Variants in PPP4C observed in about 807,000 individuals in gnomAD.
PPP4C encodes the protein protein phosphatase 4 catalytic subunit, also known as serine/threonine-protein phosphatase 4 catalytic subunit.
Under a neutral mutation model 40.5 loss-of-function variants are expected in PPP4C, and 10 were observed. The observed-to-expected ratio is 0.25, with a 90% CI of 0.15 to 0.42. The LOEUF (loss-of-function observed/expected upper bound fraction) is 0.42. Ranked by LOEUF, PPP4C falls within the 10% of genes least tolerant of loss-of-function variation. PPP4C has a pLI of 1.00. For missense variants in PPP4C, 191 were observed against 416.4 expected (o/e 0.46, Z 4.71); for synonymous variants, 187 against 163.6 (o/e 1.14, Z -1.09).
Position 30,083,249 on chromosome 16 carries a change from G to A in PPP4C, c.304-145G>A. On this transcript the variant is annotated intron_variant, in intron 5 of 8. Coordinates refer to ENST00000279387, the MANE Select transcript of PPP4C (RefSeq NM_002720.3). The surrounding 1 kb of genome is among the most constrained non-coding windows in gnomAD (Gnocchi z 6.3). ...GGTCGTGTGGGCCTGGGAGGTGGCTGATGCCACACGATTCAGGCAAGAGGT... is the reference window on the plus strand; with the variant it reads ...GGTCGTGTGGGCCTGGGAGGTGGCTAATGCCACACGATTCAGGCAAGAGGT... 3 of 929,730 alleles carry A rather than the reference G, an allele frequency of 3.2e-6. No homozygotes were observed. The highest frequency in any genetic ancestry group is 3.1e-5 in the South Asian group (2 of 63,780). 57.6% of individuals were successfully genotyped at this position (929,730 alleles called of 1,614,324 possible).
chr16:30,076,297 CGTCTT>C lies in PPP4C; in HGVS notation c.-63-16_-63-12del. 1 of 1,414,722 alleles carries C rather than the reference CGTCTT, an allele frequency of 7.1e-7. No homozygotes were observed. The highest frequency in any genetic ancestry group is 9.8e-7 in the Non-Finnish European group (1 of 1,020,062). 87.6% of individuals were successfully genotyped at this position (1,414,722 alleles called of 1,614,324 possible). A position where few individuals can be genotyped will look rare whatever the true frequency, so the allele number is the denominator to read the frequency against. ...CCGGACGGACACTGATCCGCGGGCT[CGTCTT>C]GGCCTTTCCCAGGAGACCCCTGTGC... is the stretch of plus-strand genomic sequence containing the variant. On this transcript the variant is annotated splice_polypyrimidine_tract_variant and intron_variant, in intron 1 of 8. Coordinates refer to ENST00000279387, the MANE Select transcript of PPP4C (RefSeq NM_002720.3).
intron 2 of PPP4C, chr16:30,081,051 G>A: frequency 1.6e-6 from 1 of 618,744 alleles, no homozygotes; most frequent in African/African-American, 1.8e-5. Context: ...ATAAGAGGTT[G>A]GACTTTGTCC....
In PPP4C at chr16:30,083,729, A is replaced by G. The variant is rs1405522482; in HGVS notation, c.552A>G (p.Gln184=). 6.2e-7 allele frequency: 1 copy of G among 1,614,226 alleles called. No homozygotes were observed. Among genetic ancestry groups the G allele is most frequent in the South Asian group, 1.1e-5 (1 of 91,088 alleles). ...AGATTCGGACAATCGACCGAAAGCA[A>G]GAGGTGCCTCATGATGGGCCCATGT... is the stretch of plus-strand genomic sequence containing the variant. ...LDQIRTIDRK[Q]EVPHDGPMCD... The change falls in exon 7 of 9, where the codon CAA becomes CAG. Residue 184 remains glutamine, a synonymous_variant. Coordinates refer to ENST00000279387, the MANE Select transcript of PPP4C (RefSeq NM_002720.3). This position sits in a 1 kb window ranked among gnomAD's most constrained non-coding sequence, Gnocchi z 6.3.
intron 2 of PPP4C, among the ~76,000 whole-genome samples, chr16:30,076,705 A>G (rs942505219): frequency 2.0e-5 from 3 of 152,236 alleles, no homozygotes; most frequent in African/African-American, 2.4e-5. Flanking sequence ...TAAGAGTGTT[A>G]CATAAAGTAC....
Position 30,083,822 on chromosome 16 carries a change from G to A in PPP4C, c.604+41G>A. The A allele has an allele frequency of 6.2e-7, 1 of 1,609,290 alleles. No individual in the cohort carries two copies. The highest frequency in any genetic ancestry group is 8.5e-7 in the Non-Finnish European group (1 of 1,178,442). ...CAGGGGCAGGCAGGGACAGCCAGGAGGGGTTGGGAAAGAGAGGGAGCAGGG... is the reference window on the plus strand; with the variant it reads ...CAGGGGCAGGCAGGGACAGCCAGGAAGGGTTGGGAAAGAGAGGGAGCAGGG... On this transcript the variant is annotated intron_variant, in intron 7 of 8. Coordinates refer to ENST00000279387, the MANE Select transcript of PPP4C (RefSeq NM_002720.3). This position sits in a 1 kb window ranked among gnomAD's most constrained non-coding sequence, Gnocchi z 6.3.
At chr16:30,079,480 G>A (rs2072464357) in intron 2 of PPP4C, among the ~76,000 whole-genome samples, 1 of 152,094 alleles carries the variant, frequency 6.6e-6, no homozygotes, top group East Asian at 1.9e-4. Context: ...GAGCCACCGC[G>A]CCCGGCCTAG....
intron 1 of PPP4C, 89 bp from the exon 2 acceptor site, chr16:30,076,226 T>TGGGGGGGGGGGGGGGGGGG (rs1567331118): frequency 1.3e-5 from 8 of 594,648 alleles, no homozygotes; most frequent in African/African-American, 8.1e-5. Context: ...GAGGCGGGGG[T>TGGGGGGGGGGGGGGGGGGG]GGGGGAGCCG....
intron 3 of PPP4C, chr16:30,081,673 T>C (rs531867074): frequency 6.4e-5 from 12 of 188,268 alleles, no homozygotes; most frequent in Non-Finnish European, 1.1e-4. Flanking sequence ...AACCCCAGAG[T>C]TGGAGATTGC....
In PPP4C at chr16:30,085,063, C is replaced by G; in HGVS notation, c.*1C>G. 6.2e-7 allele frequency: 1 copy of G among 1,613,340 alleles called. No individual in the cohort carries two copies. On this transcript the variant is annotated 3_prime_UTR_variant, in exon 9 of 9. Coordinates refer to ENST00000279387, the MANE Select transcript of PPP4C (RefSeq NM_002720.3). Reference sequence around the variant, plus strand: ...GCCCGTGGCCGACTACTTCCTGTGACCCCGCCCGGCCCCTGCCCCCTCCAA... The same window carrying G: ...GCCCGTGGCCGACTACTTCCTGTGAGCCCGCCCGGCCCCTGCCCCCTCCAA...
In PPP4C at chr16:30,084,670, C is replaced by T. The variant is rs773169600; in HGVS notation, c.609C>T (p.Thr203=). The T allele has an allele frequency of 1.9e-6, 3 of 1,614,102 alleles. No homozygotes were observed. The highest frequency in any genetic ancestry group is 2.2e-5 in the South Asian group (2 of 91,078). ...ATCCCTCCCTTTCCGCATCAGACAC[C>T]ACAGGCTGGGGCGTGAGCCCCCGAG... ...CDLLWSDPED[T]TGWGVSPRGA... Residue 203 remains threonine (T), a synonymous_variant, in exon 8 of 9, where the codon ACC becomes ACT. Coordinates refer to ENST00000279387, the MANE Select transcript of PPP4C (RefSeq NM_002720.3).
chr16:30,080,776 A>G (rs1011873066), intron 2 of PPP4C, among the ~76,000 whole-genome samples: 5 of 152,188 alleles, frequency 3.3e-5, no homozygotes, highest in African/African-American at 1.2e-4. Context: ...AAGTGCTGGG[A>G]TTACAGGCAT....
rs2072596406 is a variant in PPP4C at position 30,085,125 on chromosome 16, T to C, written c.*63T>C. The C allele has an allele frequency of 1.9e-6, 3 of 1,574,804 alleles. No homozygotes were observed. The highest frequency in any genetic ancestry group is 2.6e-6 in the Non-Finnish European group (3 of 1,156,838). The stretch of plus-strand genomic sequence containing the variant: ...CTCGCACCACTGTGACTCTGCCATC[T>C]TCCTCAGACGGAGGCTGGGCGTGGG... On this transcript the variant is annotated 3_prime_UTR_variant, in exon 9 of 9. Coordinates refer to ENST00000279387, the MANE Select transcript of PPP4C (RefSeq NM_002720.3).
At position 30,076,419 on chromosome 16, in the gene PPP4C, G is replaced by C; in HGVS notation, c.42G>C (p.Leu14=). The C allele has an allele frequency of 6.2e-7, 1 of 1,613,398 alleles. No individual in the cohort carries two copies. The highest frequency in any genetic ancestry group is 8.5e-7 in the Non-Finnish European group (1 of 1,179,864). ...ACCTGGACCGGCAGATCGAGCAGCT[G>C]CGTCGCTGCGAGCTCATCAAGGAGA... is the stretch of plus-strand genomic sequence containing the variant. ...ISDLDRQIEQ[L]RRCELIKESE... is the part of the protein sequence containing the mutation. Residue 14 remains leucine (L), a synonymous_variant, in exon 2 of 9, where the codon CTG becomes CTC. Transcript: ENST00000279387.
chr16:30,079,971 AT>A (rs1345116374), intron 2 of PPP4C, among the ~76,000 whole-genome samples: 3 of 152,098 alleles, frequency 2.0e-5, no homozygotes, highest in Admixed American at 2.0e-4. Context: ...TCTTAATAAC[AT>A]TTGTGGCACA....
In PPP4C at chr16:30,082,761, C is replaced by T; in HGVS notation, c.217C>T (p.Pro73Ser). Residue 73 changes from proline (P) to serine (S), a missense_variant, in exon 5 of 9, where the codon CCT becomes TCT. Coordinates refer to ENST00000279387, the MANE Select transcript of PPP4C (RefSeq NM_002720.3). ...KELFRVGGDV[P>S]ETNYLFMGDF... ...TTCCCCACAGGTAGGTGGCGACGTCCCTGAGACCAACTACCTCTTCATGGG... is the reference window on the plus strand; with the variant it reads ...TTCCCCACAGGTAGGTGGCGACGTCTCTGAGACCAACTACCTCTTCATGGG... The T allele has an allele frequency of 1.2e-6, 2 of 1,614,000 alleles. No homozygotes were observed. The highest frequency in any genetic ancestry group is 1.1e-5 in the South Asian group (1 of 91,072).
At chr16:30,082,698 G>C in intron 4 of PPP4C, 48 bp from the exon 5 acceptor site, 1 of 1,568,460 alleles carries the variant, frequency 6.4e-7, no homozygotes, top group Non-Finnish European at 8.8e-7. Context: ...AACAGGTAGG[G>C]GGTAGGGGAC....
At position 30,083,789 on chromosome 16, in the gene PPP4C, C is replaced by T. The variant is rs775663555; in HGVS notation, c.604+8C>T. 6 of 1,613,744 alleles carry T rather than the reference C, an allele frequency of 3.7e-6. No homozygotes were observed. Among genetic ancestry groups the T allele is most frequent in the South Asian group, 2.2e-5 (2 of 91,074 alleles). ...TCTGGTCTGACCCAGAAGGTGAGGG[C>T]ATGTGGGCAGGGGCAGGCAGGGACA... On this transcript the variant is annotated splice_region_variant and intron_variant, in intron 7 of 8. Transcript: ENST00000279387. The surrounding 1 kb of genome is among the most constrained non-coding windows in gnomAD (Gnocchi z 6.3).
chr16:30,082,065 AAAG>A (rs560363639), intron 3 of PPP4C, among the ~76,000 whole-genome samples: 40 of 71,614 alleles, frequency 5.6e-4, no homozygotes, highest in Non-Finnish European at 7.9e-4. Context: ...AAAAAAAAAA[AAAG>A]AAAGGAAAGA....
In PPP4C at chr16:30,076,313, A is replaced by G; in HGVS notation, c.-63-2A>G. 6.5e-7 allele frequency: 1 copy of G among 1,528,316 alleles called. No homozygotes were observed. 94.7% of individuals were successfully genotyped at this position (1,528,316 alleles called of 1,614,324 possible). A position where few individuals can be genotyped will look rare whatever the true frequency, so the allele number is the denominator to read the frequency against. ...CCGCGGGCTCGTCTTGGCCTTTCCC[A>G]GGAGACCCCTGTGCGGTGCGGAGGG... On this transcript the variant is annotated splice_acceptor_variant, in intron 1 of 8. Transcript: ENST00000279387. LOFTEE classifies it low-confidence loss of function (5UTR_SPLICE).
Sources: gnomAD v4.1 joint callset for allele counts (sites outside exome capture counted in the v4.1 genomes callset) on GRCh38, gnomAD v4.1.1 for gene constraint, Gnocchi (gnomAD v3.1) non-coding constraint, MANE v1.5 for transcripts, NCBI Gene and HGNC (gene_info 2026-07-23, HGNC 2026-07-21) for gene names.